ALOX5: variants seen among roughly 807,000 people sequenced by gnomAD.
ALOX5 encodes the protein arachidonate 5-lipoxygenase, also known as polyunsaturated fatty acid 5-lipoxygenase.
Under a neutral mutation model 87.9 loss-of-function variants are expected in ALOX5, and 64 were observed. The ratio of observed to expected loss-of-function variants is 0.73; its 90% CI spans 0.60 to 0.90. ALOX5 has a LOEUF of 0.90. Ranked by LOEUF, ALOX5 falls within the 40% of genes least tolerant of loss-of-function variation. The pLI is 0.00. For missense variants in ALOX5, 822 were observed against 907.5 expected, an observed-to-expected ratio of 0.91 and a Z score of 1.21; for synonymous variants, 388 against 355.1, an observed-to-expected ratio of 1.09 and a Z score of -1.04.
intron 7 of ALOX5, 43 bp downstream of exon 7, chr10:45,428,807 C>T: frequency 1.2e-6 from 2 of 1,609,688 alleles, no homozygotes; most frequent in South Asian, 1.1e-5. Context: ...GCTCAGTCCT[C>T]TGCGATCCAG....
rs111528152 is a variant in ALOX5 at position 45,374,455 on chromosome 10, A to G, written c.150+26A>G. The stretch of plus-strand genomic sequence containing the variant: ...GTGAGCGCGGGCGGGGCACGGGTGG[A>G]GCGCGGGCTGAGGTGCGTCCGGGAC... On this transcript the variant is annotated intron_variant, in intron 1 of 13. Transcript: ENST00000374391. 242,610 of 1,510,362 alleles carry G rather than the reference A, an allele frequency of 0.16. 19,855 individuals carry two copies. Among genetic ancestry groups the G allele is most frequent in the South Asian group, 0.19 (14,510 of 77,780 alleles). 93.6% of individuals were successfully genotyped at this position (1,510,362 alleles called of 1,614,324 possible).
At chr10:45,427,650 C>G (rs1481682305) in intron 6 of ALOX5, among the ~76,000 whole-genome samples, 2 of 152,204 alleles carry the variant, frequency 1.3e-5, no homozygotes, top group Non-Finnish European at 2.9e-5. Flanking sequence ...CCGGGACCCT[C>G]ACCCTTTCCT....
chr10:45,401,874 C>T (rs1840709477), intron 3 of ALOX5, among the ~76,000 whole-genome samples: 1 of 152,096 alleles, frequency 6.6e-6, no homozygotes, highest in Non-Finnish European at 1.5e-5. Flanking sequence ...ATCACCAGGT[C>T]AGGAGATCGA....
intron 7 of ALOX5, among the ~76,000 whole-genome samples, chr10:45,439,335 T>C (rs1842151077): frequency 6.6e-6 from 1 of 152,090 alleles, no homozygotes. Context: ...CTGGGACAGT[T>C]CTCCCTCCCC....
At chr10:45,418,587 C>G (rs766241576) in intron 4 of ALOX5, among the ~76,000 whole-genome samples, 75 of 152,206 alleles carry the variant, frequency 4.9e-4, no homozygotes, top group Non-Finnish European at 9.6e-4. Flanking sequence ...GGCGTCCTCT[C>G]TGATGGGGCC....
At chr10:45,387,903 T>G (rs1205907555) in intron 2 of ALOX5, among the ~76,000 whole-genome samples, 1 of 152,212 alleles carries the variant, frequency 6.6e-6, no homozygotes, top group Non-Finnish European at 1.5e-5. Context: ...ATTTCTGCAT[T>G]TCCAACTGAG....
intron 3 of ALOX5, among the ~76,000 whole-genome samples, chr10:45,408,700 C>G (rs907294568): frequency 6.6e-6 from 1 of 152,248 alleles, no homozygotes; most frequent in Admixed American, 6.5e-5. Context: ...ATGGCCTGAA[C>G]TAATTTTTCA....
chr10:45,445,616 C>T lies in ALOX5; in HGVS notation c.1954C>T (p.Arg652Cys), dbSNP rs151270582. Residue 652 changes from arginine to cysteine, a missense_variant, in exon 14 of 14, where the codon CGC (arginine) becomes TGC (cysteine). Arg to Cys is a radical substitution (Grantham distance 180, BLOSUM62 -3). Transcript: ENST00000374391. Reference sequence around the variant, plus strand: ...GGCCATTGTCAGCGTGATTGCTGAGCGCAACAAGAAGAAGCAGCTGCCATA... The same window carrying T: ...GGCCATTGTCAGCGTGATTGCTGAGTGCAACAAGAAGAAGCAGCTGCCATA... ...LEAIVSVIAE[R>C]NKKKQLPYYY... The T allele has an allele frequency of 1.8e-5, 29 of 1,613,978 alleles. No homozygotes were observed. The highest frequency in any genetic ancestry group is 8.8e-5 in the South Asian group (8 of 91,084).
At chr10:45,439,090 A>G (rs1423476675) in intron 7 of ALOX5, among the ~76,000 whole-genome samples, 1 of 152,214 alleles carries the variant, frequency 6.6e-6, no homozygotes, top group African/African-American at 2.4e-5. Flanking sequence ...ATAGTTTTAG[A>G]TTGGTTTCAT....
At chr10:45,393,022 G>C (rs1396704995) in intron 2 of ALOX5, among the ~76,000 whole-genome samples, 1 of 152,146 alleles carries the variant, frequency 6.6e-6, no homozygotes, top group Non-Finnish European at 1.5e-5. Flanking sequence ...TCTACCAGAG[G>C]TACAAGGAGG....
intron 4 of ALOX5, among the ~76,000 whole-genome samples, chr10:45,413,928 C>T (rs532417188): frequency 8.5e-5 from 13 of 152,060 alleles, no homozygotes; most frequent in Admixed American, 7.2e-4. Flanking sequence ...CACTGCTCAA[C>T]AAAATAAAAG....
In ALOX5 at chr10:45,440,421, A is replaced by G. The variant is rs547998614; in HGVS notation, c.982-9A>G. ...ATAGCAGTGTGTTTCCTTTCCCCCA[A>G]TGTATCAGCTCAACCAAATCCCGGG... On this transcript the variant is annotated splice_polypyrimidine_tract_variant and intron_variant, in intron 7 of 13. Transcript: ENST00000374391. The G allele has an allele frequency of 6.2e-6, 10 of 1,613,364 alleles. No individual in the cohort carries two copies. Among genetic ancestry groups the G allele is most frequent in the Admixed American group, 3.3e-5 (2 of 59,966 alleles).
chr10:45,445,364 C>A, intron 13 of ALOX5, 144 bp from the exon 14 acceptor site: 1 of 992,020 alleles, frequency 1.0e-6, no homozygotes, highest in Non-Finnish European at 1.5e-6. Flanking sequence ...TCTTGTCAGG[C>A]AGCAGAGGGT....
At chr10:45,393,096 CATTTT>C (rs1840351548) in intron 2 of ALOX5, among the ~76,000 whole-genome samples, 1 of 152,172 alleles carries the variant, frequency 6.6e-6, no homozygotes, top group Admixed American at 6.5e-5. Flanking sequence ...CTCCCTAACT[CATTTT>C]ATGAGGCCAG....
rs141278174 is a variant in ALOX5, at chr10:45,433,785, C to T, written c.981+5021C>T. Among the ~76,000 whole-genome samples, 461 of 152,292 alleles carry T rather than the reference C, an allele frequency of 3.0e-3. 2 individuals are homozygous for T. The highest frequency in any genetic ancestry group is 0.011 in the South Asian group (55 of 4,824). ...TACCAGAAAGGAATGTTAGCTGTGG[C>T]TTGTGGGCGGGACTTCCCCCAGGCC... On this transcript the variant is annotated intron_variant, in intron 7 of 13. Transcript: ENST00000374391.
chr10:45,420,554 G>C (rs971046401), intron 4 of ALOX5, among the ~76,000 whole-genome samples: 3 of 152,260 alleles, frequency 2.0e-5, no homozygotes, highest in Non-Finnish European at 2.9e-5. Context: ...CCTAGAGTGG[G>C]TTAAACTCAG....
Position 45,386,211 on chromosome 10 carries a change from G to A in ALOX5, c.349+3530G>A, listed in dbSNP as rs1840002624. On this transcript the variant is annotated intron_variant, in intron 2 of 13. Transcript: ENST00000374391. ...AGCTACTTGGGAGGCTGAGGCAGGA[G>A]AATGGCGTGAACCTGGGAAGTGGAG... 2.6e-5 allele frequency among the ~76,000 whole-genome samples: 4 copies of A among 151,892 alleles called. No homozygotes were observed. The South Asian group carries it at 8.3e-4, about 31-fold the overall frequency.
Position 45,443,180 on chromosome 10 carries a change from G to A in ALOX5, c.1415G>A (p.Arg472Gln), listed in dbSNP as rs1473447596. The A allele has an allele frequency of 3.7e-6, 6 of 1,613,592 alleles. No homozygotes were observed. Among genetic ancestry groups the A allele is most frequent in the African/African-American group, 1.3e-5 (1 of 74,932 alleles). ...SKEDIPYYFY[R>Q]DDGLLVWEAI... ...GAAGACATCCCCTACTACTTCTACC[G>A]GGACGACGGGCTCCTGGTGTGGGAA... Residue 472 changes from arginine (R) to glutamine (Q), a missense_variant, in exon 10 of 14, where the codon CGG (arginine) becomes CAG (glutamine). By Grantham distance (43) the Arg-to-Gln change is conservative (BLOSUM62 1). Coordinates refer to ENST00000374391, the MANE Select transcript of ALOX5 (RefSeq NM_000698.5).
At chr10:45,421,594 T>C (rs546664836) in intron 4 of ALOX5, among the ~76,000 whole-genome samples, 29 of 152,198 alleles carry the variant, frequency 1.9e-4, no homozygotes, top group Non-Finnish European at 3.4e-4. Context: ...CGAGGGGTGC[T>C]GGGGGAGGAA....
Sources: allele counts gnomAD v4.1 joint callset (sites outside exome capture counted in the v4.1 genomes callset), GRCh38; gene constraint gnomAD v4.1.1; transcripts MANE v1.5; gene names NCBI Gene and HGNC (gene_info 2026-07-23, HGNC 2026-07-21).